PDE4D: variants seen among roughly 807,000 people sequenced by gnomAD.
PDE4D encodes the protein phosphodiesterase 4D, also known as 3',5'-cyclic-AMP phosphodiesterase 4D.
A neutral mutation model predicts 87.4 loss-of-function variants in PDE4D; 24 were observed. The ratio of observed to expected loss-of-function variants is 0.27; its 90% CI spans 0.20 to 0.39. PDE4D has a LOEUF of 0.39. PDE4D is among the 10% of genes least tolerant of loss of function. PDE4D has a pLI of 1.00. For missense variants in PDE4D, 714 were observed against 1,041.0 expected (o/e 0.69, Z 4.32); for synonymous variants, 384 against 383.2 (o/e 1.00, Z -0.02).
chr5:60,134,767 A>G (rs1433904761), intron 2 of PDE4D, among the ~76,000 whole-genome samples: 1 of 152,212 alleles, frequency 6.6e-6, no homozygotes, highest in Non-Finnish European at 1.5e-5. Flanking sequence ...ATGACAAGAA[A>G]AAAACATCCG....
At chr5:58,995,497 CAA>C (rs1306564443) in intron 6 of PDE4D, among the ~76,000 whole-genome samples, 1 of 152,118 alleles carries the variant, frequency 6.6e-6, no homozygotes, top group Non-Finnish European at 1.5e-5. Context: ...TCCCTCTTTA[CAA>C]AGTTATATTT....
At chr5:60,147,805 T>A (rs1468450173) in intron 2 of PDE4D, 1 of 455,780 alleles carries the variant, frequency 2.2e-6, no homozygotes, top group African/African-American at 2.0e-5. Flanking sequence ...CTCCATATTT[T>A]ACCATGTGGC....
intron 1 of PDE4D, among the ~76,000 whole-genome samples, chr5:59,354,830 C>T (rs1781108818): frequency 6.6e-6 from 1 of 152,166 alleles, no homozygotes; most frequent in African/African-American, 2.4e-5. Context: ...GCATTACTGG[C>T]ATTTTTGCTG....
intron 1 of PDE4D, among the ~76,000 whole-genome samples, chr5:59,437,232 G>A (rs183462611): frequency 2.0e-5 from 3 of 152,302 alleles, no homozygotes; most frequent in East Asian, 3.9e-4. Flanking sequence ...AAATGGAGTG[G>A]CATTTTGCTT....
intron 5 of PDE4D, among the ~76,000 whole-genome samples, chr5:59,073,251 G>T (rs969684732): frequency 3.3e-5 from 5 of 152,176 alleles, no homozygotes; most frequent in Non-Finnish European, 5.9e-5. Flanking sequence ...TATAGCAGAA[G>T]TACAAAGCTG....
intron 1 of PDE4D, among the ~76,000 whole-genome samples, chr5:60,293,103 T>A (rs1032413711): frequency 6.6e-6 from 1 of 151,634 alleles, no homozygotes; most frequent in African/African-American, 2.4e-5. Flanking sequence ...CCCCCCCAAG[T>A]TCAAGCAATC....
chr5:59,160,028 C>A (rs1385079679), intron 5 of PDE4D, among the ~76,000 whole-genome samples: 1 of 152,146 alleles, frequency 6.6e-6, no homozygotes, highest in Admixed American at 6.5e-5. Context: ...CATGAGGAAC[C>A]AGAGCCAGCA....
chr5:59,600,796 T>C (rs1827393905), intron 1 of PDE4D, among the ~76,000 whole-genome samples: 1 of 152,138 alleles, frequency 6.6e-6, no homozygotes. Flanking sequence ...GAAACAACAG[T>C]TGTGATAGCA....
At chr5:59,814,774 C>T (rs1768789882) in intron 1 of PDE4D, among the ~76,000 whole-genome samples, 2 of 151,904 alleles carry the variant, frequency 1.3e-5, no homozygotes, top group African/African-American at 4.8e-5. Context: ...TGCATTTGTT[C>T]AGAAATGTAA....
intron 1 of PDE4D, among the ~76,000 whole-genome samples, chr5:59,796,885 T>G (rs932347585): frequency 5.9e-5 from 9 of 152,172 alleles, no homozygotes; most frequent in Middle Eastern, 3.2e-3. Context: ...AAAGCCCTTA[T>G]GTACAAAGTG....
chr5:59,649,976 A>T, intron 1 of PDE4D, among the ~76,000 whole-genome samples: 1 of 112,462 alleles, frequency 8.9e-6, no homozygotes, highest in Non-Finnish European at 1.7e-5. Context: ...AGAACTGCTT[A>T]GACTTTTGTG....
intron 4 of PDE4D, among the ~76,000 whole-genome samples, chr5:59,181,562 ATATATATATT>A (rs1157760163): frequency 8.3e-5 from 8 of 96,384 alleles, no homozygotes; most frequent in South Asian, 5.9e-4. Context: ...ATATATATAT[ATATATATATT>A]AGGTATATAA....
At chr5:59,545,065 C>G (rs543641004) in intron 1 of PDE4D, among the ~76,000 whole-genome samples, 1 of 152,258 alleles carries the variant, frequency 6.6e-6, no homozygotes, top group Admixed American at 6.5e-5. Context: ...AGCAAAAGAA[C>G]CTCAGAGGTA....
At chr5:59,224,293 T>TACACACACAC (rs35273659) in intron 1 of PDE4D, among the ~76,000 whole-genome samples, 91 of 135,496 alleles carry the variant, frequency 6.7e-4, no homozygotes, top group African/African-American at 2.3e-3. Context: ...CACACACACA[T>TACACACACAC]ACACACACAC....
intron 1 of PDE4D, among the ~76,000 whole-genome samples, chr5:59,573,602 T>C (rs888367005): frequency 2.0e-5 from 3 of 152,132 alleles, no homozygotes; most frequent in African/African-American, 7.2e-5. Context: ...CACTAAATTC[T>C]TCTTCTGTTA....
chr5:59,534,609 T>C (rs1200148290), intron 1 of PDE4D, among the ~76,000 whole-genome samples: 3 of 152,176 alleles, frequency 2.0e-5, no homozygotes, highest in Non-Finnish European at 2.9e-5. Flanking sequence ...AAGTACCCCA[T>C]TACCAAGAGG....
chr5:60,164,885 C>T (rs369561114), intron 2 of PDE4D, among the ~76,000 whole-genome samples: 2 of 152,264 alleles, frequency 1.3e-5, no homozygotes, highest in East Asian at 3.9e-4. Context: ...ACATAGTTAT[C>T]GCTTTGTGGG....
intron 1 of PDE4D, among the ~76,000 whole-genome samples, chr5:60,296,826 C>G (rs982193387): frequency 1.4e-4 from 21 of 152,068 alleles, no homozygotes; most frequent in African/African-American, 5.1e-4. Flanking sequence ...TCATTCTCAG[C>G]AAACTAATAC....
chr5:59,247,779 A>C (rs939595953), intron 1 of PDE4D, among the ~76,000 whole-genome samples: 2 of 151,966 alleles, frequency 1.3e-5, no homozygotes, highest in African/African-American at 4.8e-5. Context: ...TTAGGCAGAA[A>C]CAGATTCAGG....
Sources: allele counts gnomAD v4.1 joint callset (sites outside exome capture counted in the v4.1 genomes callset), GRCh38; gene constraint gnomAD v4.1.1; transcripts MANE v1.5; gene names NCBI Gene and HGNC (gene_info 2026-07-23, HGNC 2026-07-21).